The following MCOLN2 variants were observed in gnomAD, a reference collection of about 807,000 sequenced individuals.
MCOLN2 encodes mucolipin TRP cation channel 2, also known as mucolipin-2.
Under a neutral mutation model 67.5 loss-of-function variants are expected in MCOLN2, and 57 were observed. That is an observed-to-expected ratio of 0.84 (90% confidence interval 0.68 to 1.05). The LOEUF (loss-of-function observed/expected upper bound fraction) is 1.05, where lower values mean the gene tolerates loss of function less well. MCOLN2 is among the 50% of genes least tolerant of loss of function. The pLI is 0.00. For synonymous variants in MCOLN2, 246 were observed against 233.3 expected (o/e 1.05, Z -0.50); for missense variants, 620 against 678.8 (o/e 0.91, Z 0.96).
chr1:84,980,474 A>T (rs1325538442), intron 1 of MCOLN2, among the ~76,000 whole-genome samples: 1 of 152,176 alleles, frequency 6.6e-6, no homozygotes, highest in Non-Finnish European at 1.5e-5. Context: ...ACACAAAAAC[A>T]GATACACAGA....
chr1:84,947,819 G>A (rs550765836), intron 6 of MCOLN2, among the ~76,000 whole-genome samples: 1 of 152,360 alleles, frequency 6.6e-6, no homozygotes, highest in East Asian at 1.9e-4. Context: ...CTGAAGTCCT[G>A]CCATTATTCT....
chr1:84,935,313 T>C (rs1364188942), intron 11 of MCOLN2, among the ~76,000 whole-genome samples: 10 of 152,170 alleles, frequency 6.6e-5, no homozygotes, highest in Non-Finnish European at 1.2e-4. Context: ...ATTTCCCCAA[T>C]ATATCAGCCT....
At chr1:84,987,187 T>C (rs1015481808) in intron 1 of MCOLN2, among the ~76,000 whole-genome samples, 6 of 118,528 alleles carry the variant, frequency 5.1e-5, no homozygotes, top group South Asian at 5.8e-4. Flanking sequence ...TATCTATCTA[T>C]CTATCTATCT....
At chr1:84,934,762 A>T (rs1203084986) in intron 11 of MCOLN2, among the ~76,000 whole-genome samples, 1 of 152,256 alleles carries the variant, frequency 6.6e-6, no homozygotes, top group African/African-American at 2.4e-5. Context: ...GTCTGGAAGA[A>T]CATCAACAGT....
intron 6 of MCOLN2, among the ~76,000 whole-genome samples, chr1:84,948,701 G>T (rs1648245465): frequency 6.6e-6 from 1 of 152,232 alleles, no homozygotes; most frequent in Non-Finnish European, 1.5e-5. Flanking sequence ...CATAATTTAT[G>T]ATTTGATTGA....
intron 12 of MCOLN2, among the ~76,000 whole-genome samples, chr1:84,930,260 CT>C (rs1198709328): frequency 6.7e-6 from 1 of 149,190 alleles, no homozygotes; most frequent in African/African-American, 2.6e-5. Flanking sequence ...AAGACCCTCT[CT>C]CTTTTTTTAA....
Position 84,940,885 on chromosome 1 carries a change from T to C in MCOLN2, c.954A>G (p.Leu318=), listed in dbSNP as rs1483602087. Residue 318 remains leucine (L), a synonymous_variant, in exon 8 of 14, where the codon TTA becomes TTG. Transcript: ENST00000370608. ...AATGCGAACACACTCTTACCTTCCG[T>C]AACCTTAGAGCAAGAACAATGGATC... The part of the protein sequence containing the change: ...CTRSIVLALR[L]RKRFLNFFLE... The C allele has an allele frequency of 6.2e-7, 1 of 1,610,332 alleles. No homozygotes were observed. Among genetic ancestry groups the C allele is most frequent in the Admixed American group, 1.7e-5 (1 of 59,706 alleles).
At chr1:84,978,009 A>G (rs2102874672) in intron 1 of MCOLN2, among the ~76,000 whole-genome samples, 1 of 152,352 alleles carries the variant, frequency 6.6e-6, no homozygotes, top group East Asian at 1.9e-4. Flanking sequence ...AAGTCTTAAA[A>G]CATTAACAAA....
chr1:84,988,164 A>G (rs1018581790), intron 1 of MCOLN2, among the ~76,000 whole-genome samples: 25 of 152,260 alleles, frequency 1.6e-4, no homozygotes, highest in African/African-American at 5.5e-4. Context: ...TCCTTAGTCC[A>G]TTCTCCATCT....
At chr1:84,996,428 A>ATG (rs1651156747) in intron 1 of MCOLN2, among the ~76,000 whole-genome samples, 1 of 119,592 alleles carries the variant, frequency 8.4e-6, no homozygotes, top group African/African-American at 3.2e-5. Flanking sequence ...ATATATATAT[A>ATG]TATGTTTGGA....
chr1:84,955,390 T>A (rs1648731764), intron 4 of MCOLN2, among the ~76,000 whole-genome samples: 1 of 152,074 alleles, frequency 6.6e-6, no homozygotes, highest in Non-Finnish European at 1.5e-5. Context: ...GAAACCTTTT[T>A]CCTGAAAGGA....
chr1:84,937,551 T>C (rs376293685), intron 11 of MCOLN2: 5 of 1,313,592 alleles, frequency 3.8e-6, no homozygotes, highest in Non-Finnish European at 3.9e-6. Flanking sequence ...CTTTCTAGTA[T>C]TGTACAGTTC....
At chr1:84,953,590 G>A (rs1648624426) in intron 4 of MCOLN2, among the ~76,000 whole-genome samples, 1 of 151,564 alleles carries the variant, frequency 6.6e-6, no homozygotes, top group Admixed American at 6.6e-5. Flanking sequence ...GGGAAATCTG[G>A]ATGAAGGCTA....
At chr1:84,931,299 T>C (rs1661388511) in intron 12 of MCOLN2, 63 bp downstream of exon 12, 1 of 1,015,150 alleles carries the variant, frequency 9.9e-7, no homozygotes. Flanking sequence ...AATGTGGTAT[T>C]TTCCTATAAT....
chr1:84,972,619 G>T lies in MCOLN2; in HGVS notation c.78-6911C>A, dbSNP rs904049027. Reference sequence around the variant, plus strand: ...ATTAAGAAAACCTACTGTCTCCACAGATAATCAGGACTATGAGGTTGGCAT... The same window carrying T: ...ATTAAGAAAACCTACTGTCTCCACATATAATCAGGACTATGAGGTTGGCAT... On this transcript the variant is annotated intron_variant, in intron 1 of 13. Transcript: ENST00000370608. 2.0e-5 allele frequency among the ~76,000 whole-genome samples: 3 copies of T among 152,194 alleles called. No homozygotes were observed. In the South Asian group the frequency reaches 6.2e-4, roughly 32 times the overall value.
At chr1:84,976,798 G>A (rs758705302) in intron 1 of MCOLN2, among the ~76,000 whole-genome samples, 7 of 152,072 alleles carry the variant, frequency 4.6e-5, no homozygotes, top group Non-Finnish European at 4.4e-5. Flanking sequence ...AACAAAAGCT[G>A]AGGGATTTCA....
rs149658419 is a variant in MCOLN2 at position 84,965,563 on chromosome 1, T to C, written c.223A>G (p.Met75Val). ...AGATAGGTTACCTGTGTGGTGACCA[T>C]GACTATCTTCAAAATCTGCAAACCC... ...KLGLQILKIV[M>V]VTTQLVRFGL... is the part of the protein sequence containing the mutation. Residue 75 changes from methionine to valine, a missense_variant, in exon 2 of 14, where the codon ATG (methionine) becomes GTG (valine). By Grantham distance (21) the Met-to-Val change is conservative. Transcript: ENST00000370608. The C allele has an allele frequency of 2.8e-5, 45 of 1,613,858 alleles. No individual in the cohort carries two copies. In the African/African-American group the frequency reaches 4.7e-4, roughly 17 times the overall value.
chr1:84,996,651 C>G (rs1651172953), intron 1 of MCOLN2, 145 bp downstream of exon 1: 2 of 692,668 alleles, frequency 2.9e-6, no homozygotes, highest in Non-Finnish European at 4.9e-6. Context: ...GAAGGCACAG[C>G]CTAGCCTTAT....
At position 84,952,288 on chromosome 1, in the gene MCOLN2, T is replaced by A; in HGVS notation, c.702A>T (p.Thr234=). ...SFHLKGIDLQ[T]IHSRELPDCY... ...AGTCTGGTAACTCACGGGAATGAAT[T>A]GTCTGTAGGTCAATGCCTTTAAGAT... The change falls in exon 6 of 14, where the codon ACA becomes ACT. Residue 234 remains threonine (T), a synonymous_variant. Transcript: ENST00000370608. 6.2e-7 allele frequency: 1 copy of A among 1,613,756 alleles called. No individual in the cohort carries two copies. The highest frequency in any genetic ancestry group is 1.1e-5 in the South Asian group (1 of 90,976).
Sources: gnomAD v4.1 joint callset for allele counts (sites outside exome capture counted in the v4.1 genomes callset) on GRCh38, gnomAD v4.1.1 for gene constraint, MANE v1.5 for transcripts, NCBI Gene and HGNC (gene_info 2026-07-23, HGNC 2026-07-21) for gene names.